The following ITGA9 variants were observed in gnomAD, a reference collection of about 807,000 sequenced individuals.
The protein encoded by ITGA9 is integrin alpha-9.
In ITGA9, 56 loss-of-function variants were observed where a neutral mutation model predicts 127.8. That is an observed-to-expected ratio of 0.44 (90% CI 0.35 to 0.55). The LOEUF is 0.55. ITGA9 is among the 20% of genes least tolerant of loss of function. The probability of loss-of-function intolerance (pLI) is 0.00; values close to 1 mark genes in which losing one functional copy is unlikely to be tolerated. For synonymous variants in ITGA9, 508 were observed against 514.5 expected (o/e 0.99, Z 0.17); for missense variants, 1,196 against 1,347.1 (o/e 0.89, Z 1.76).
At chr3:37,780,797 T>A (rs1287026239) in intron 25 of ITGA9, among the ~76,000 whole-genome samples, 2 of 152,242 alleles carry the variant, frequency 1.3e-5, no homozygotes, top group Non-Finnish European at 2.9e-5. Context: ...CAACAGTGTA[T>A]AAGTGTTCCC....
intron 18 of ITGA9, among the ~76,000 whole-genome samples, chr3:37,730,263 G>C (rs1696271823): frequency 6.6e-6 from 1 of 152,162 alleles, no homozygotes; most frequent in South Asian, 2.1e-4. Context: ...AGGAAACCAA[G>C]AGAACTAAAG....
chr3:37,595,832 G>A (rs1300373770), intron 15 of ITGA9, among the ~76,000 whole-genome samples: 2 of 152,174 alleles, frequency 1.3e-5, no homozygotes, highest in African/African-American at 2.4e-5. Flanking sequence ...CTGGACCGCC[G>A]ACCTTGTGTG....
chr3:37,795,636 C>G (rs1362535675), intron 26 of ITGA9, among the ~76,000 whole-genome samples: 4 of 152,138 alleles, frequency 2.6e-5, no homozygotes, highest in Admixed American at 2.6e-4. Context: ...AGTGTGTGAG[C>G]CCTCCAGCCA....
chr3:37,736,715 C>T (rs531496418), intron 19 of ITGA9, among the ~76,000 whole-genome samples, 189 bp from the exon 20 acceptor site: 1 of 152,250 alleles, frequency 6.6e-6, no homozygotes, highest in South Asian at 2.1e-4. Context: ...GGTCTCTGGC[C>T]AGAGTATGTG....
At chr3:37,680,516 T>C (rs1356194006) in intron 17 of ITGA9, among the ~76,000 whole-genome samples, 3 of 152,134 alleles carry the variant, frequency 2.0e-5, no homozygotes, top group African/African-American at 7.2e-5. Context: ...GGTTTGGGGA[T>C]TGGCAGAAGT....
intron 23 of ITGA9, among the ~76,000 whole-genome samples, chr3:37,751,780 T>C (rs1696589078): frequency 6.6e-6 from 1 of 152,076 alleles, no homozygotes; most frequent in South Asian, 2.1e-4. Flanking sequence ...CTGGCTGCAC[T>C]CTGTTCTTTG....
intron 23 of ITGA9, 136 bp from the exon 24 acceptor site, chr3:37,777,256 T>C (rs1696919482): frequency 5.1e-6 from 5 of 975,332 alleles, no homozygotes; most frequent in Non-Finnish European, 8.0e-6. Flanking sequence ...TTTTCAGCCA[T>C]TGTTCTCCAC....
intron 18 of ITGA9, among the ~76,000 whole-genome samples, chr3:37,721,659 G>A (rs919361987): frequency 6.6e-6 from 1 of 152,114 alleles, no homozygotes; most frequent in Non-Finnish European, 1.5e-5. Flanking sequence ...AAGTGCATGG[G>A]TAATCACCTC....
intron 15 of ITGA9, among the ~76,000 whole-genome samples, chr3:37,590,312 G>A (rs930587272): frequency 6.6e-6 from 1 of 152,190 alleles, no homozygotes; most frequent in Non-Finnish European, 1.5e-5. Flanking sequence ...TTATCCCGCT[G>A]AGCAGTGGGA....
At chr3:37,759,750 A>G (rs963117355) in intron 23 of ITGA9, among the ~76,000 whole-genome samples, 2 of 151,666 alleles carry the variant, frequency 1.3e-5, no homozygotes, top group Non-Finnish European at 2.9e-5. Flanking sequence ...AAAAATACAC[A>G]AAAATTAGCC....
At chr3:37,723,816 A>C (rs1423142519) in intron 18 of ITGA9, among the ~76,000 whole-genome samples, 2 of 152,238 alleles carry the variant, frequency 1.3e-5, no homozygotes, top group Non-Finnish European at 2.9e-5. Context: ...CTCTTCAGTG[A>C]GTTAGTAAAC....
At chr3:37,460,213 G>A (rs1037039201) in intron 1 of ITGA9, among the ~76,000 whole-genome samples, 3 of 152,164 alleles carry the variant, frequency 2.0e-5, no homozygotes, top group Non-Finnish European at 2.9e-5. Context: ...TCCTGGGTTT[G>A]TAACTTTATT....
At chr3:37,631,929 C>T (rs571321677) in intron 16 of ITGA9, among the ~76,000 whole-genome samples, 10 of 152,302 alleles carry the variant, frequency 6.6e-5, no homozygotes, top group South Asian at 2.1e-4. Context: ...TGGGCGGCCT[C>T]GTTCTCAGAG....
chr3:37,588,530 C>T (rs975268597), intron 15 of ITGA9, among the ~76,000 whole-genome samples: 6 of 152,194 alleles, frequency 3.9e-5, no homozygotes, highest in African/African-American at 1.4e-4. Flanking sequence ...TGAAGGAGGA[C>T]TTAGGGCTGT....
chr3:37,473,188 A>G (rs1456045646), intron 2 of ITGA9, among the ~76,000 whole-genome samples, 166 bp from the exon 3 acceptor site: 23 of 151,862 alleles, frequency 1.5e-4, no homozygotes, highest in Admixed American at 1.4e-3. Context: ...CTTGCTATGT[A>G]AAAAAACAGT....
chr3:37,611,716 G>A (rs2125626078), intron 15 of ITGA9, among the ~76,000 whole-genome samples: 1 of 152,216 alleles, frequency 6.6e-6, no homozygotes, highest in African/African-American at 2.4e-5. Context: ...TTTGGTCATG[G>A]TTCAGGATTT....
At chr3:37,563,455 G>C (rs528902143) in intron 15 of ITGA9, among the ~76,000 whole-genome samples, 1 of 151,846 alleles carries the variant, frequency 6.6e-6, no homozygotes, top group Non-Finnish European at 1.5e-5. Flanking sequence ...GGTTCGGCTG[G>C]CACTCAGCCC....
intron 4 of ITGA9, among the ~76,000 whole-genome samples, chr3:37,487,444 G>A (rs1387750972): frequency 2.0e-5 from 3 of 152,142 alleles, no homozygotes; most frequent in Non-Finnish European, 4.4e-5. Context: ...GGGCAAACCT[G>A]TCTCCTATAC....
In ITGA9 at chr3:37,806,585, T is replaced by C. The variant is rs149843396; in HGVS notation, c.3009+2643T>C. ...TTTGCTGTGTTTGTTTAAAAAAGCA[T>C]GGTTGCAGGAGATGCTGTCATGGGT... On this transcript the variant is annotated intron_variant, in intron 27 of 27. Coordinates refer to ENST00000264741, the MANE Select transcript of ITGA9 (RefSeq NM_002207.3). The surrounding 1 kb of genome is among the most constrained non-coding windows in gnomAD (Gnocchi z 4.3). The C allele has an allele frequency of 9.0e-4, 137 of 152,550 alleles. 1 individual carries two copies. The highest frequency in any genetic ancestry group is 3.1e-3 in the African/African-American group (130 of 41,540). The allele number at this position is 152,550 out of a possible 1,614,324, so 9.4% of individuals were successfully genotyped here. A position where few individuals can be genotyped will look rare whatever the true frequency, so the allele number is the denominator to read the frequency against.
Sources: gnomAD v4.1 joint callset for allele counts (sites outside exome capture counted in the v4.1 genomes callset) on GRCh38, gnomAD v4.1.1 for gene constraint, Gnocchi (gnomAD v3.1) non-coding constraint, MANE v1.5 for transcripts, NCBI Gene and HGNC (gene_info 2026-07-23, HGNC 2026-07-21) for gene names.